Variants in RWDD3 observed in about 807,000 individuals in gnomAD.
The protein encoded by RWDD3 is RWD domain containing 3.
In RWDD3, 30 loss-of-function variants were observed where a neutral mutation model predicts 26.5. That is an observed-to-expected ratio of 1.13 (90% CI 0.85 to 1.54). RWDD3 has a LOEUF of 1.54. Among genes scored for constraint, RWDD3 ranks in the 40% most tolerant of loss-of-function variants. The pLI is 0.00. For synonymous variants in RWDD3, 113 were observed against 114.5 expected, an observed-to-expected ratio of 0.99 and a Z score of 0.09; for missense variants, 296 against 309.1, an observed-to-expected ratio of 0.96 and a Z score of 0.32.
intron 1 of RWDD3, among the ~76,000 whole-genome samples, chr1:95,237,832 AC>A (rs1680428183): frequency 6.6e-6 from 1 of 152,240 alleles, no homozygotes; most frequent in African/African-American, 2.4e-5. Flanking sequence ...TTAAATAACC[AC>A]CAGGCTCCAG....
At chr1:95,241,857 C>G (rs1243080811) in intron 1 of RWDD3, among the ~76,000 whole-genome samples, 1 of 152,044 alleles carries the variant, frequency 6.6e-6, no homozygotes, top group Non-Finnish European at 1.5e-5. Context: ...ACATTGCCAC[C>G]CCTCCCCACC....
At position 95,246,777 on chromosome 1, in the gene RWDD3, A is replaced by AGAGTATT; in HGVS notation, c.712_718dup (p.Ser240Ter). On this transcript the variant is annotated frameshift_variant, in exon 4 of 4. Transcript: ENST00000370202. LOFTEE classifies it high-confidence loss of function. The stretch of plus-strand genomic sequence containing the variant: ...GCAGGTTTCTGGCATTTGAAGTCAA[A>AGAGTATT]GAGTATTCAGCGTTGGATGAATTAC... 6.4e-7 allele frequency: 1 copy of AGAGTATT among 1,563,610 alleles called. No homozygotes were observed. Among genetic ancestry groups the AGAGTATT allele is most frequent in the Admixed American group, 2.0e-5 (1 of 49,094 alleles).
Position 95,244,371 on chromosome 1 carries a change from T to G in RWDD3, c.246T>G (p.Thr82=). Residue 82 remains threonine (T), a synonymous_variant, in exon 2 of 4, where the codon ACT becomes ACG. Coordinates refer to ENST00000370202, the MANE Select transcript of RWDD3 (RefSeq NM_015485.5). ...SEQLTRAQCV[T]VKENLLEQAE... ...AGTTGACCAGGGCCCAGTGTGTGAC[T>G]GTGAAAGAGAATTTACTTGAGCAAG... 2.5e-6 allele frequency: 4 copies of G among 1,614,196 alleles called. No homozygotes were observed. The South Asian group carries it at 4.4e-5, about 18-fold the overall frequency.
chr1:95,242,629 A>G (rs1440285604), intron 1 of RWDD3, among the ~76,000 whole-genome samples: 1 of 152,184 alleles, frequency 6.6e-6, no homozygotes, highest in Non-Finnish European at 1.5e-5. Flanking sequence ...TAAAAGGGTA[A>G]GTAGTTAGGC....
chr1:95,246,989 G>A lies in RWDD3; in HGVS notation c.*119G>A, dbSNP rs1203518730. The stretch of plus-strand genomic sequence containing the variant: ...AAGTTTCTCTGAAGCAAAATGATAG[G>A]CATCATTCTAACTTCAGGAACAAAA... On this transcript the variant is annotated 3_prime_UTR_variant, in exon 4 of 4. Transcript: ENST00000370202. The A allele has an allele frequency of 3.9e-6, 2 of 513,322 alleles. No homozygotes were observed. Among genetic ancestry groups the A allele is most frequent in the Non-Finnish European group, 3.4e-6 (1 of 294,958 alleles). 31.8% of individuals were successfully genotyped at this position (513,322 alleles called of 1,614,324 possible).
chr1:95,246,507 A>G (rs1680856383), intron 2 of RWDD3, 35 bp from the exon 3 acceptor site: 3 of 1,233,298 alleles, frequency 2.4e-6, no homozygotes, highest in Non-Finnish European at 3.5e-6. Flanking sequence ...GACTCAGAGT[A>G]AGATATGTAT....
At chr1:95,242,111 T>G (rs1193885248) in intron 1 of RWDD3, among the ~76,000 whole-genome samples, 2 of 152,220 alleles carry the variant, frequency 1.3e-5, no homozygotes, top group Non-Finnish European at 2.9e-5. Context: ...TTTACAATTT[T>G]TCCTCTGCAG....
At chr1:95,245,565 TG>T (rs985793031) in intron 2 of RWDD3, among the ~76,000 whole-genome samples, 1 of 152,210 alleles carries the variant, frequency 6.6e-6, no homozygotes, top group Non-Finnish European at 1.5e-5. Flanking sequence ...ACCACAAAAC[TG>T]CTTTGGCATT....
intron 2 of RWDD3, 69 bp from the exon 3 acceptor site, chr1:95,246,473 G>C (rs987875701): frequency 1.2e-6 from 1 of 849,720 alleles, no homozygotes; most frequent in Admixed American, 2.3e-5. Context: ...CAGGTTTATA[G>C]CTCCTTTAAA....
At chr1:95,240,161 T>C (rs1350564576) in intron 1 of RWDD3, among the ~76,000 whole-genome samples, 1 of 152,182 alleles carries the variant, frequency 6.6e-6, no homozygotes, top group East Asian at 1.9e-4. Flanking sequence ...TCTCTTGCCA[T>C]GTGAGGGAGC....
At chr1:95,234,456 C>A (rs1410464407) in intron 1 of RWDD3, 141 bp downstream of exon 1, 2 of 756,992 alleles carry the variant, frequency 2.6e-6, no homozygotes. Flanking sequence ...TGGAATGACA[C>A]GCCCGGAGGC....
At chr1:95,241,720 C>A (rs1331868925) in intron 1 of RWDD3, among the ~76,000 whole-genome samples, 5 of 152,200 alleles carry the variant, frequency 3.3e-5, no homozygotes, top group Non-Finnish European at 7.3e-5. Flanking sequence ...TTTTGCTTGT[C>A]AGTGTGGCTA....
Position 95,234,211 on chromosome 1 carries a change from A to AGGCGGTGGGGCCCACAGCCAT in RWDD3, c.-14_7dup, listed in dbSNP as rs778048121. ...TGCGGCAGCGGAAGGGGAAGCGCTGAGGCGGTGGGGCCCACAGCCATGGCG... is the reference window on the plus strand; with the variant it reads ...TGCGGCAGCGGAAGGGGAAGCGCTGAGGCGGTGGGGCCCACAGCCATGGCGGTGGGGCCCACAGCCATGGCG... On this transcript the variant is annotated 5_prime_UTR_variant, in exon 1 of 4. The change creates a new upstream start codon in the 5' untranslated region. Transcript: ENST00000370202. The AGGCGGTGGGGCCCACAGCCAT allele has an allele frequency of 4.5e-6, 7 of 1,570,200 alleles. 1 individual carries two copies. In the South Asian group the frequency reaches 8.2e-5, roughly 18 times the overall value.
At position 95,244,396 on chromosome 1, in the gene RWDD3, G is replaced by A. The variant is rs1182537302; in HGVS notation, c.271G>A (p.Ala91Thr). Reference protein sequence around the residue: ...VTVKENLLEQAESLLSEPMVH... With the variant: ...VTVKENLLEQTESLLSEPMVH... ...TGTGAAAGAGAATTTACTTGAGCAA[G>A]CAGAGAGCCTTTTGTCGGAGCCTAT... Residue 91 changes from alanine (A) to threonine (T), a missense_variant, in exon 2 of 4, where the codon GCA becomes ACA. Coordinates refer to ENST00000370202, the MANE Select transcript of RWDD3 (RefSeq NM_015485.5). 6.2e-7 allele frequency: 1 copy of A among 1,614,214 alleles called. No individual in the cohort carries two copies. Among genetic ancestry groups the A allele is most frequent in the Admixed American group, 1.7e-5 (1 of 60,022 alleles).
chr1:95,239,736 A>G, intron 1 of RWDD3: 2 of 1,226,978 alleles, frequency 1.6e-6, no homozygotes, highest in Non-Finnish European at 2.1e-6. Context: ...CTAAGGTGAA[A>G]GTCAGGAGTT....
At chr1:95,246,305 G>A in intron 2 of RWDD3, 2 of 345,476 alleles carry the variant, frequency 5.8e-6, no homozygotes, top group East Asian at 9.4e-5. Context: ...GAACTAGTAG[G>A]CAGTTCAATC....
chr1:95,235,453 G>C (rs1345610440), intron 1 of RWDD3, among the ~76,000 whole-genome samples: 1 of 135,810 alleles, frequency 7.4e-6, no homozygotes, highest in Non-Finnish European at 1.5e-5. Context: ...CCACCTCCTG[G>C]GTTCACACCA....
intron 1 of RWDD3, among the ~76,000 whole-genome samples, chr1:95,235,351 CTTTTTTTT>C (rs1166711835): frequency 7.7e-4 from 32 of 41,370 alleles, no homozygotes; most frequent in African/African-American, 1.8e-3. Flanking sequence ...TGCGCCCGGC[CTTTTTTTT>C]TTTTTTTTTT....
chr1:95,246,880 C>T lies in RWDD3; in HGVS notation c.*10C>T. 1.4e-6 allele frequency: 2 copies of T among 1,448,166 alleles called. No individual in the cohort carries two copies. The highest frequency in any genetic ancestry group is 1.9e-6 in the Non-Finnish European group (2 of 1,077,102). The allele number at this position is 1,448,166 out of a possible 1,614,324, so 89.7% of individuals were successfully genotyped here. A position where few individuals can be genotyped will look rare whatever the true frequency, so the allele number is the denominator to read the frequency against. ...TGCTCTGGTAAAATGAAATGGAAGACAGGAATCTTTTAGTAAAATAGCAGT... is the reference window on the plus strand; with the variant it reads ...TGCTCTGGTAAAATGAAATGGAAGATAGGAATCTTTTAGTAAAATAGCAGT... On this transcript the variant is annotated 3_prime_UTR_variant, in exon 4 of 4. Coordinates refer to ENST00000370202, the MANE Select transcript of RWDD3 (RefSeq NM_015485.5).
Sources: allele counts gnomAD v4.1 joint callset (sites outside exome capture counted in the v4.1 genomes callset), GRCh38; gene constraint gnomAD v4.1.1; transcripts MANE v1.5; gene names NCBI Gene and HGNC (gene_info 2026-07-23, HGNC 2026-07-21).